MACROD2: variants seen among roughly 807,000 people sequenced by gnomAD.
MACROD2 encodes ADP-ribose glycohydrolase MACROD2.
Under a neutral mutation model 70.4 loss-of-function variants are expected in MACROD2, and 36 were observed. That is an observed-to-expected ratio of 0.51 (90% CI 0.39 to 0.68). The LOEUF (loss-of-function observed/expected upper bound fraction) is 0.68. Among genes scored for constraint, MACROD2 ranks in the 30% least tolerant of loss-of-function variants. The pLI is 0.00. For synonymous variants in MACROD2, 172 were observed against 178.8 expected, an observed-to-expected ratio of 0.96 and a Z score of 0.30; for missense variants, 496 against 538.4, an observed-to-expected ratio of 0.92 and a Z score of 0.78.
intron 3 of MACROD2, among the ~76,000 whole-genome samples, chr20:14,181,115 T>C (rs1355745613): frequency 2.0e-5 from 3 of 151,636 alleles, no homozygotes; most frequent in African/African-American, 7.3e-5. Flanking sequence ...TTGCCCAGGC[T>C]GGAGTGCAGT....
chr20:15,089,993 G>T (rs1202061970), intron 5 of MACROD2, among the ~76,000 whole-genome samples: 1 of 152,078 alleles, frequency 6.6e-6, no homozygotes, highest in Non-Finnish European at 1.5e-5. Flanking sequence ...GTGTGATAGG[G>T]CTACGTAGGA....
At chr20:15,903,232 C>T (rs766026897) in intron 10 of MACROD2, among the ~76,000 whole-genome samples, 3 of 152,172 alleles carry the variant, frequency 2.0e-5, no homozygotes, top group African/African-American at 4.8e-5. Context: ...ATTCCGGCTA[C>T]TTCAGAGGCT....
At chr20:14,967,011 T>A (rs6043031) in intron 5 of MACROD2, among the ~76,000 whole-genome samples, 3,345 of 151,790 alleles carry the variant, frequency 0.022, 137 homozygotes, top group African/African-American at 0.076. Flanking sequence ...TGTGTAATAG[T>A]GGATATGTAT....
At chr20:14,038,303 A>T (rs2053345555) in intron 2 of MACROD2, among the ~76,000 whole-genome samples, 1 of 152,122 alleles carries the variant, frequency 6.6e-6, no homozygotes, top group Non-Finnish European at 1.5e-5. Flanking sequence ...CTCAAAAAAA[A>T]AAAAAGATTC....
At chr20:15,708,635 G>A (rs1437105736) in intron 8 of MACROD2, among the ~76,000 whole-genome samples, 2 of 140,790 alleles carry the variant, frequency 1.4e-5, no homozygotes, top group African/African-American at 2.5e-5. Flanking sequence ...AGCACTTTGG[G>A]AGCGAGGCAG....
At chr20:14,727,543 AAG>A (rs146243301) in intron 5 of MACROD2, among the ~76,000 whole-genome samples, 18 of 150,698 alleles carry the variant, frequency 1.2e-4, no homozygotes, top group East Asian at 1.9e-4. Context: ...TCAAAACAGA[AAG>A]AGAGAGAGAG....
In MACROD2 at chr20:15,107,021, A is replaced by G. The variant is rs145978622; in HGVS notation, c.419-122919A>G. ...ATATTTGACATCACAGATACACACA[A>G]TCCTTTATATACCTTTATGTATATA... On this transcript the variant is annotated intron_variant, in intron 5 of 17. Transcript: ENST00000684519. Among the ~76,000 whole-genome samples, 114 of 148,714 alleles carry G rather than the reference A, an allele frequency of 7.7e-4. 12 individuals are homozygous for G. The highest frequency in any genetic ancestry group is 2.5e-3 in the African/African-American group (98 of 39,408).
chr20:15,437,173 A>G (rs1372838217), intron 7 of MACROD2, among the ~76,000 whole-genome samples: 1 of 152,168 alleles, frequency 6.6e-6, no homozygotes, highest in Non-Finnish European at 1.5e-5. Flanking sequence ...AATTTATGGC[A>G]GTTCTTAAAG....
intron 4 of MACROD2, among the ~76,000 whole-genome samples, chr20:14,533,769 G>T (rs567857764): frequency 6.6e-6 from 1 of 152,074 alleles, no homozygotes; most frequent in East Asian, 1.9e-4. Context: ...ATTTTCATTG[G>T]AATCACTAGT....
chr20:15,978,388 A>C (rs1487606126), intron 13 of MACROD2, among the ~76,000 whole-genome samples: 1 of 152,152 alleles, frequency 6.6e-6, no homozygotes, highest in Non-Finnish European at 1.5e-5. Flanking sequence ...ACGTGGATAA[A>C]CCTAAGTTAC....
intron 3 of MACROD2, among the ~76,000 whole-genome samples, chr20:14,386,747 A>G (rs2083472073): frequency 6.6e-6 from 1 of 152,236 alleles, no homozygotes. Flanking sequence ...CTGCAGACAC[A>G]TGAATCAGTT....
intron 5 of MACROD2, among the ~76,000 whole-genome samples, chr20:15,025,766 A>G (rs538671340): frequency 1.6e-4 from 24 of 152,060 alleles, no homozygotes; most frequent in African/African-American, 5.5e-4. Flanking sequence ...CCTGGCCTCT[A>G]CCCATCAGAT....
intron 8 of MACROD2, among the ~76,000 whole-genome samples, chr20:15,833,022 A>G (rs1489622251): frequency 1.3e-5 from 2 of 152,154 alleles, no homozygotes; most frequent in African/African-American, 2.4e-5. Flanking sequence ...CTTAATAACA[A>G]ATTTCTCCCT....
Position 15,231,678 on chromosome 20 carries a change from C to T in MACROD2, c.540+1617C>T, listed in dbSNP as rs754458576. On this transcript the variant is annotated intron_variant, in intron 6 of 17. Coordinates refer to ENST00000684519, the MANE Select transcript of MACROD2 (RefSeq NM_001351661.2). ...CTAACTGTAATTATCTTAAAACAATCGTGTTACTCTATTTGCTACCATTAG... is the reference window on the plus strand; with the variant it reads ...CTAACTGTAATTATCTTAAAACAATTGTGTTACTCTATTTGCTACCATTAG... Among the ~76,000 whole-genome samples the T allele has an allele frequency of 2.0e-5, 3 of 152,110 alleles. No homozygotes were observed. The East Asian group carries it at 5.8e-4, about 29-fold the overall frequency.
In MACROD2 at chr20:15,630,233, CAA is replaced by C. The variant is rs1226181875; in HGVS notation, c.645+130387_645+130388del. 2.0e-5 allele frequency among the ~76,000 whole-genome samples: 3 copies of C among 152,174 alleles called. No individual in the cohort carries two copies. The East Asian group carries it at 5.8e-4, about 29-fold the overall frequency. ...CAGAGCAGATGCAGAGGAAGCCAGA[CAA>C]GAGGGATAAATAAAGCAGGCAAGAT... On this transcript the variant is annotated intron_variant, in intron 8 of 17. Transcript: ENST00000684519.
intron 9 of MACROD2, among the ~76,000 whole-genome samples, chr20:15,877,788 A>C (rs558298674): frequency 1.1e-3 from 172 of 152,280 alleles, no homozygotes; most frequent in Middle Eastern, 3.4e-3. Flanking sequence ...AGGAGTGCAC[A>C]AGAAGCCTGT....
intron 9 of MACROD2, among the ~76,000 whole-genome samples, chr20:15,879,021 G>T (rs145187128): frequency 3.5e-4 from 53 of 152,220 alleles, no homozygotes; most frequent in East Asian, 1.2e-3. Context: ...CATCAAAGAG[G>T]TCCCGTAAGA....
chr20:15,842,137 C>T (rs2147132384), intron 8 of MACROD2, among the ~76,000 whole-genome samples: 2 of 152,180 alleles, frequency 1.3e-5, no homozygotes, highest in South Asian at 4.1e-4. Context: ...GAGAGTGACA[C>T]AAGGCAACAT....
chr20:14,538,693 C>T (rs1022325598), intron 4 of MACROD2, among the ~76,000 whole-genome samples: 8 of 152,180 alleles, frequency 5.3e-5, no homozygotes, highest in African/African-American at 1.7e-4. Flanking sequence ...CTCACTCCTT[C>T]GTACATTGTC....
Sources: allele counts gnomAD v4.1 joint callset (sites outside exome capture counted in the v4.1 genomes callset), GRCh38; gene constraint gnomAD v4.1.1; transcripts MANE v1.5; gene names NCBI Gene and HGNC (gene_info 2026-07-23, HGNC 2026-07-21).